The following MEGF11 variants were observed in gnomAD, a reference collection of about 807,000 sequenced individuals.
MEGF11 encodes multiple epidermal growth factor-like domains protein 11.
Under a neutral mutation model 146.6 loss-of-function variants are expected in MEGF11, and 126 were observed. The observed-to-expected ratio is 0.86, with a 90% CI of 0.74 to 1.00. MEGF11 has a LOEUF of 1.00. MEGF11 is among the 50% of genes least tolerant of loss of function. The pLI is 0.00. For missense variants in MEGF11, 1,509 were observed against 1,521.2 expected, an observed-to-expected ratio of 0.99 and a Z score of 0.13; for synonymous variants, 532 against 583.4, an observed-to-expected ratio of 0.91 and a Z score of 1.27.
At chr15:66,218,291 G>A (rs2091638004) in intron 1 of MEGF11, among the ~76,000 whole-genome samples, 1 of 152,170 alleles carries the variant, frequency 6.6e-6, no homozygotes, top group African/African-American at 2.4e-5. Flanking sequence ...GTTGAATTAA[G>A]CTAAAAGCCT....
At chr15:65,929,960 C>G in intron 11 of MEGF11, 77 bp from the exon 12 acceptor site, 3 of 1,389,366 alleles carry the variant, frequency 2.2e-6, no homozygotes. Flanking sequence ...CCCAGCTCTG[C>G]ACACAGCATT....
At chr15:66,139,794 G>C (rs948969113) in intron 1 of MEGF11, among the ~76,000 whole-genome samples, 27 of 152,174 alleles carry the variant, frequency 1.8e-4, no homozygotes, top group African/African-American at 5.8e-4. Flanking sequence ...AGTTTCTTCT[G>C]AGGGTTCCGT....
At chr15:66,006,047 G>A (rs1041381728) in intron 5 of MEGF11, among the ~76,000 whole-genome samples, 1 of 152,204 alleles carries the variant, frequency 6.6e-6, no homozygotes, top group African/African-American at 2.4e-5. Flanking sequence ...ACGATGTTTG[G>A]TATTTAATCT....
At chr15:65,932,706 C>A (rs1295533653) in intron 10 of MEGF11, among the ~76,000 whole-genome samples, 1 of 151,884 alleles carries the variant, frequency 6.6e-6, no homozygotes, top group African/African-American at 2.4e-5. Flanking sequence ...TCCCTGAGTC[C>A]CCCAGGACAT....
At chr15:66,164,117 T>C (rs28664703) in intron 1 of MEGF11, among the ~76,000 whole-genome samples, 1,986 of 152,180 alleles carry the variant, frequency 0.013, 37 homozygotes, top group African/African-American at 0.044. Flanking sequence ...TGGAGGTCCA[T>C]TGTGGCCTGA....
chr15:66,032,446 G>C (rs2083559792), intron 5 of MEGF11, among the ~76,000 whole-genome samples: 1 of 152,236 alleles, frequency 6.6e-6, no homozygotes, highest in Non-Finnish European at 1.5e-5. Flanking sequence ...ATTGTGAACA[G>C]AGCATTAAGG....
At chr15:66,194,145 A>G (rs1050469070) in intron 1 of MEGF11, among the ~76,000 whole-genome samples, 10 of 152,266 alleles carry the variant, frequency 6.6e-5, no homozygotes, top group Non-Finnish European at 1.3e-4. Flanking sequence ...TGTGGTATAC[A>G]TACCATGGAC....
At chr15:66,225,745 C>T (rs2091838768) in intron 1 of MEGF11, among the ~76,000 whole-genome samples, 3 of 152,182 alleles carry the variant, frequency 2.0e-5, no homozygotes, top group African/African-American at 2.4e-5. Flanking sequence ...CATACACACA[C>T]TTACATGAAT....
At chr15:66,201,568 C>T (rs1417474890) in intron 1 of MEGF11, among the ~76,000 whole-genome samples, 2 of 151,930 alleles carry the variant, frequency 1.3e-5, no homozygotes, top group African/African-American at 4.8e-5. Flanking sequence ...GAAAGTGTAA[C>T]AAAAGAACCA....
intron 1 of MEGF11, 77 bp from the exon 2 acceptor site, chr15:66,128,488 G>T (rs1337731479): frequency 1.3e-6 from 1 of 779,628 alleles, no homozygotes; most frequent in Non-Finnish European, 1.9e-6. Context: ...CCATCGTCGT[G>T]GGTAATGAGC....
intron 1 of MEGF11, among the ~76,000 whole-genome samples, chr15:66,153,939 C>A (rs116118064): frequency 2.0e-5 from 3 of 152,232 alleles, no homozygotes; most frequent in Non-Finnish European, 4.4e-5. Flanking sequence ...CTCATCCCCC[C>A]ACTGGCTGGC....
intron 5 of MEGF11, among the ~76,000 whole-genome samples, chr15:66,079,946 G>A (rs752294571): frequency 6.6e-6 from 1 of 152,150 alleles, no homozygotes; most frequent in Admixed American, 6.5e-5. Flanking sequence ...CCCCTTTCCC[G>A]TTTCTCCTGG....
intron 1 of MEGF11, among the ~76,000 whole-genome samples, chr15:66,177,569 G>GT (rs1489177635): frequency 1.3e-4 from 19 of 149,624 alleles, no homozygotes; most frequent in South Asian, 1.1e-3. Context: ...GGCTGTTTTT[G>GT]TTTTTTTTTA....
intron 5 of MEGF11, among the ~76,000 whole-genome samples, chr15:66,040,706 C>T (rs1372405047): frequency 6.6e-6 from 1 of 152,108 alleles, no homozygotes; most frequent in Non-Finnish European, 1.5e-5. Flanking sequence ...TGTCCCTCAT[C>T]TGGCTGTCGG....
intron 5 of MEGF11, among the ~76,000 whole-genome samples, chr15:66,022,017 G>A (rs2083154588): frequency 6.6e-6 from 1 of 152,216 alleles, no homozygotes; most frequent in African/African-American, 2.4e-5. Flanking sequence ...CGGGATTAAG[G>A]GCATGGGGGT....
At chr15:65,972,017 G>T (rs1440893646) in intron 7 of MEGF11, among the ~76,000 whole-genome samples, 1 of 151,886 alleles carries the variant, frequency 6.6e-6, no homozygotes, top group Non-Finnish European at 1.5e-5. Flanking sequence ...TAGGAAAGAG[G>T]TCTTGAAAAT....
Position 65,898,033 on chromosome 15 carries a change from T to C in MEGF11, c.3324A>G (p.Ala1108=). Residue 1108 remains alanine, a synonymous_variant, in exon 26 of 26, where the codon GCA becomes GCG. Coordinates refer to ENST00000395614, the MANE Select transcript of MEGF11 (RefSeq NM_001385028.1). The stretch of plus-strand genomic sequence containing the variant: ...TATGGCTGTTCCTAGGTAGGTCGTA[T>C]GCATTCTGGATATAGCTGGAGTTAT... ...CGHNSSYIQN[A]YDLPRNSHIP... is the part of the protein sequence containing the mutation. 4 of 1,614,024 alleles carry C rather than the reference T, an allele frequency of 2.5e-6. No individual in the cohort carries two copies. The highest frequency in any genetic ancestry group is 3.4e-6 in the Non-Finnish European group (4 of 1,179,876).
chr15:65,966,079 T>C (rs183480596), intron 8 of MEGF11, among the ~76,000 whole-genome samples: 27 of 152,294 alleles, frequency 1.8e-4, no homozygotes, highest in African/African-American at 5.5e-4. Context: ...TGCTGCAACC[T>C]CCGCCTCCCA....
Position 65,912,208 on chromosome 15 carries a change from G to T in MEGF11, c.2711-8C>A. On this transcript the variant is annotated splice_region_variant and splice_polypyrimidine_tract_variant and intron_variant, in intron 20 of 25. Coordinates refer to ENST00000395614, the MANE Select transcript of MEGF11 (RefSeq NM_001385028.1). ...TGCTACTTTGAGACAAATCTGGGAAGAGAACAAGGTGCCACATACCATCAT... is the reference window on the plus strand; with the variant it reads ...TGCTACTTTGAGACAAATCTGGGAATAGAACAAGGTGCCACATACCATCAT... 1 of 1,229,562 alleles carries T rather than the reference G, an allele frequency of 8.1e-7. No individual in the cohort carries two copies. The highest frequency in any genetic ancestry group is 1.0e-6 in the Non-Finnish European group (1 of 985,606). The allele number at this position is 1,229,562 out of a possible 1,614,324, so 76.2% of individuals were successfully genotyped here.
Sources: gnomAD v4.1 joint callset for allele counts (sites outside exome capture counted in the v4.1 genomes callset) on GRCh38, gnomAD v4.1.1 for gene constraint, MANE v1.5 for transcripts, NCBI Gene and HGNC (gene_info 2026-07-23, HGNC 2026-07-21) for gene names.